The following NCKAP5 variants were observed in gnomAD, a reference collection of about 807,000 sequenced individuals.
NCKAP5 encodes the protein nck-associated protein 5.
A neutral mutation model predicts 167.0 loss-of-function variants in NCKAP5; 92 were observed. The observed-to-expected ratio is 0.55, with a 90% CI of 0.47 to 0.66. The LOEUF (loss-of-function observed/expected upper bound fraction) is 0.66. Among genes scored for constraint, NCKAP5 ranks in the 30% least tolerant of loss-of-function variants. The pLI, the probability that NCKAP5 is intolerant of heterozygous loss-of-function variation, is 0.00. For missense variants in NCKAP5, 2,378 were observed against 2,315.0 expected, an observed-to-expected ratio of 1.03 and a Z score of -0.56; for synonymous variants, 891 against 877.4, an observed-to-expected ratio of 1.02 and a Z score of -0.27.
chr2:133,614,013 C>A, the NCKAP5 span, among the ~76,000 whole-genome samples: 1 of 152,122 alleles, frequency 6.6e-6, no homozygotes, highest in African/African-American at 2.4e-5. Context: ...TAGCTTGCAG[C>A]CCCTGCTCGG....
chr2:133,605,047 GA>G, the NCKAP5 span, among the ~76,000 whole-genome samples: 1 of 152,180 alleles, frequency 6.6e-6, no homozygotes. Context: ...GGTAGGTAGA[GA>G]ACATTTTGCA....
At chr2:133,088,039 C>T (rs1042913590) in intron 6 of NCKAP5, among the ~76,000 whole-genome samples, 2 of 152,154 alleles carry the variant, frequency 1.3e-5, no homozygotes, top group African/African-American at 4.8e-5. Context: ...CTCACCATAA[C>T]CTCCCTTAAC....
intron 8 of NCKAP5, among the ~76,000 whole-genome samples, chr2:132,952,917 T>C (rs1384593936): frequency 6.6e-6 from 1 of 152,202 alleles, no homozygotes; most frequent in Admixed American, 6.5e-5. Flanking sequence ...TACAGATGGA[T>C]TGAAGCACCA....
intron 6 of NCKAP5, among the ~76,000 whole-genome samples, chr2:133,128,927 A>G (rs1323419874): frequency 6.8e-6 from 1 of 146,512 alleles, no homozygotes. Context: ...ATATCTTTTT[A>G]AGGACAGAAA....
chr2:133,467,192 C>T (rs1692667668), intron 3 of NCKAP5, among the ~76,000 whole-genome samples: 1 of 151,020 alleles, frequency 6.6e-6, no homozygotes, highest in Admixed American at 6.6e-5. Flanking sequence ...CCATCAATAC[C>T]TAATTTATTG....
intron 6 of NCKAP5, among the ~76,000 whole-genome samples, chr2:133,097,361 G>T (rs956997125): frequency 2.6e-5 from 4 of 152,126 alleles, no homozygotes; most frequent in African/African-American, 9.7e-5. Context: ...ATCCTGAGTT[G>T]GATTTCAGGG....
intron 11 of NCKAP5, among the ~76,000 whole-genome samples, chr2:132,844,005 C>T (rs1161959115): frequency 6.6e-6 from 1 of 151,930 alleles, no homozygotes; most frequent in East Asian, 1.9e-4. Context: ...CCTCCTTTCC[C>T]CTTCCAGAAA....
intron 11 of NCKAP5, among the ~76,000 whole-genome samples, chr2:132,802,696 G>A (rs1685133610): frequency 6.6e-6 from 1 of 152,174 alleles, no homozygotes; most frequent in Admixed American, 6.5e-5. Context: ...TGGGTAACAA[G>A]GCAATTTCAC....
Position 132,748,789 on chromosome 2 carries a change from C to CTT in NCKAP5, c.5129-16740_5129-16739dup, listed in dbSNP as rs879810192. Among the ~76,000 whole-genome samples, 528 of 147,128 alleles carry CTT rather than the reference C, an allele frequency of 3.6e-3. 6 individuals are homozygous for CTT. Among genetic ancestry groups the CTT allele is most frequent in the African/African-American group, 0.012 (493 of 40,356 alleles). On this transcript the variant is annotated intron_variant, in intron 16 of 19. Transcript: ENST00000409261. Reference sequence around the variant, plus strand: ...AACCATTTAAAACCAAGTCAGGATACTTTTTTTTTTTTGAGACGGATTCTC... The same window carrying CTT: ...AACCATTTAAAACCAAGTCAGGATACTTTTTTTTTTTTTTGAGACGGATTCTC...
At chr2:133,249,998 T>TTTTTTATTATTATTA (rs143273928) in intron 4 of NCKAP5, among the ~76,000 whole-genome samples, 33 of 138,220 alleles carry the variant, frequency 2.4e-4, no homozygotes, top group Admixed American at 2.2e-4. Context: ...CACCAAGGGT[T>TTTTTTATTATTATTA]TTATTATTAT....
chr2:132,720,424 AC>A (rs1340529194), intron 19 of NCKAP5, among the ~76,000 whole-genome samples: 1 of 152,188 alleles, frequency 6.6e-6, no homozygotes, highest in African/African-American at 2.4e-5. Context: ...TGTGTTATGA[AC>A]CCAGAGGCAG....
At chr2:133,040,752 A>G (rs1303761578) in intron 6 of NCKAP5, among the ~76,000 whole-genome samples, 1 of 152,222 alleles carries the variant, frequency 6.6e-6, no homozygotes, top group Non-Finnish European at 1.5e-5. Context: ...ATCTAGGCAT[A>G]ACTAGACAGC....
intron 5 of NCKAP5, among the ~76,000 whole-genome samples, chr2:133,139,214 C>T (rs1041703901): frequency 1.3e-5 from 2 of 152,186 alleles, no homozygotes; most frequent in African/African-American, 4.8e-5. Context: ...AACACTAATG[C>T]TAAGGTCCCT....
chr2:133,245,877 A>AT (rs1226426583), intron 4 of NCKAP5, among the ~76,000 whole-genome samples: 3 of 146,210 alleles, frequency 2.1e-5, no homozygotes, highest in Non-Finnish European at 3.0e-5. Context: ...GCAAAAAAGG[A>AT]TTTTTTTGAT....
chr2:132,998,163 C>T (rs546130106), intron 6 of NCKAP5, among the ~76,000 whole-genome samples: 1 of 152,268 alleles, frequency 6.6e-6, no homozygotes, highest in South Asian at 2.1e-4. Flanking sequence ...AAAATGAAAT[C>T]ATATTATTTT....
At chr2:133,592,401 T>C in the NCKAP5 span, among the ~76,000 whole-genome samples, 1 of 152,240 alleles carries the variant, frequency 6.6e-6, no homozygotes, top group Non-Finnish European at 1.5e-5. Flanking sequence ...GGCATCTCTC[T>C]CCTTTCCGAA....
intron 3 of NCKAP5, among the ~76,000 whole-genome samples, chr2:133,499,606 T>C (rs2320935): frequency 0.47 from 71,659 of 152,060 alleles, 18,078 homozygotes; most frequent in African/African-American, 0.67. Context: ...GTCGCCCAGG[T>C]TGGAGTGCAG....
At chr2:133,016,714 T>A (rs1175499429) in intron 6 of NCKAP5, among the ~76,000 whole-genome samples, 1 of 152,150 alleles carries the variant, frequency 6.6e-6, no homozygotes, top group Non-Finnish European at 1.5e-5. Context: ...AAAGTTTGTG[T>A]CTGAAAGGTT....
chr2:133,318,411 A>G (rs1681769049), intron 3 of NCKAP5, among the ~76,000 whole-genome samples: 1 of 152,214 alleles, frequency 6.6e-6, no homozygotes, highest in African/African-American at 2.4e-5. Flanking sequence ...GAAGTTCCAC[A>G]GATATCTTGT....
Sources: gnomAD v4.1 joint callset for allele counts (sites outside exome capture counted in the v4.1 genomes callset) on GRCh38, gnomAD v4.1.1 for gene constraint, MANE v1.5 for transcripts, NCBI Gene and HGNC (gene_info 2026-07-23, HGNC 2026-07-21) for gene names.